The following MAGI2 variants were observed in gnomAD, a reference collection of about 807,000 sequenced individuals.
The protein encoded by MAGI2 is membrane associated guanylate kinase, WW and PDZ domain containing 2, also known as membrane-associated guanylate kinase, WW and PDZ domain-containing protein 2.
MAGI2 carries 35 observed loss-of-function variants against 133.3 expected under a neutral mutation model. The ratio of observed to expected loss-of-function variants is 0.26; its 90% CI spans 0.20 to 0.35. The LOEUF (loss-of-function observed/expected upper bound fraction) is 0.35, where lower values mean the gene tolerates loss of function less well. Ranked by LOEUF, MAGI2 falls within the 10% of genes least tolerant of loss-of-function variation. The pLI is 1.00. For missense variants in MAGI2, 1,636 were observed against 1,863.4 expected (o/e 0.88, Z 2.25); for synonymous variants, 729 against 710.6 (o/e 1.03, Z -0.41).
intron 2 of MAGI2, among the ~76,000 whole-genome samples, chr7:78,639,636 A>T (rs991716446): frequency 3.3e-5 from 5 of 152,218 alleles, no homozygotes; most frequent in African/African-American, 1.2e-4. Context: ...ACTTTAAAAA[A>T]ATTACAGAAT....
intron 1 of MAGI2, chr7:79,414,631 T>C (rs1846375568): frequency 6.6e-6 from 1 of 152,136 alleles, no homozygotes; most frequent in South Asian, 2.1e-4. Flanking sequence ...TGCCTTATCA[T>C]TAAGTAAGTA....
At chr7:78,370,520 G>A (rs779659758) in intron 6 of MAGI2, among the ~76,000 whole-genome samples, 5 of 151,786 alleles carry the variant, frequency 3.3e-5, no homozygotes, top group Non-Finnish European at 5.9e-5. Context: ...AATATAGTAT[G>A]GAAAAATTCC....
chr7:78,641,535 G>A lies in MAGI2; in HGVS notation c.419-14296C>T, dbSNP rs1030910989. 1.2e-4 allele frequency among the ~76,000 whole-genome samples: 18 copies of A among 152,258 alleles called. No homozygotes were observed. The East Asian group carries it at 2.7e-3, about 23-fold the overall frequency. On this transcript the variant is annotated intron_variant, in intron 2 of 21. Coordinates refer to ENST00000354212, the MANE Select transcript of MAGI2 (RefSeq NM_012301.4). ...TTGCCCACCCCTACATTAGGTTTTC[G>A]ATGCTTTGTGTCTTCATGATCTTGT...
intron 2 of MAGI2, among the ~76,000 whole-genome samples, chr7:78,707,167 G>A (rs1462319476): frequency 6.6e-6 from 1 of 151,982 alleles, no homozygotes; most frequent in Non-Finnish European, 1.5e-5. Context: ...GACTGTTAGT[G>A]AATAAGATAT....
chr7:79,420,751 T>C (rs1383437288), intron 1 of MAGI2, among the ~76,000 whole-genome samples: 1 of 151,872 alleles, frequency 6.6e-6, no homozygotes, highest in East Asian at 1.9e-4. Context: ...AGTTAAGAAC[T>C]CCAAAGTTCA....
At chr7:78,315,498 G>A (rs1181022793) in intron 9 of MAGI2, among the ~76,000 whole-genome samples, 1 of 152,136 alleles carries the variant, frequency 6.6e-6, no homozygotes, top group Admixed American at 6.5e-5. Context: ...ACACGGATCA[G>A]GGGTATTATT....
At chr7:78,453,274 G>C (rs1333646067) in intron 6 of MAGI2, among the ~76,000 whole-genome samples, 1 of 152,156 alleles carries the variant, frequency 6.6e-6, no homozygotes, top group Non-Finnish European at 1.5e-5. Flanking sequence ...TGGAGAAACT[G>C]AAAGACTTCA....
intron 1 of MAGI2, among the ~76,000 whole-genome samples, chr7:79,299,936 C>G (rs1609275): frequency 0.93 from 141,717 of 152,164 alleles, 66,352 homozygotes; most frequent in Non-Finnish European, 0.98. Flanking sequence ...AGTACCTGCT[C>G]CCCCTTGCCT....
At chr7:78,574,657 T>G (rs1190448660) in intron 3 of MAGI2, among the ~76,000 whole-genome samples, 1 of 152,224 alleles carries the variant, frequency 6.6e-6, no homozygotes, top group Non-Finnish European at 1.5e-5. Context: ...TGGCAACCAC[T>G]ATAGTTTTCT....
chr7:78,488,629 T>C (rs919664244), intron 6 of MAGI2, among the ~76,000 whole-genome samples: 2 of 152,086 alleles, frequency 1.3e-5, no homozygotes, highest in African/African-American at 4.8e-5. Context: ...TTCAACTGCA[T>C]ACAGTTGTAC....
chr7:79,220,209 G>A (rs1227091607), intron 1 of MAGI2, among the ~76,000 whole-genome samples: 3 of 151,868 alleles, frequency 2.0e-5, no homozygotes, highest in East Asian at 1.9e-4. Flanking sequence ...ATGGTGATGT[G>A]GTGGGCAGGG....
chr7:79,429,525 G>A (rs142116822), intron 1 of MAGI2, among the ~76,000 whole-genome samples: 8 of 152,096 alleles, frequency 5.3e-5, no homozygotes, highest in East Asian at 3.9e-4. Flanking sequence ...GGCTGGTCTC[G>A]AACTCCTGGC....
At chr7:78,713,369 G>C (rs1012546308) in intron 2 of MAGI2, among the ~76,000 whole-genome samples, 1 of 152,038 alleles carries the variant, frequency 6.6e-6, no homozygotes, top group Non-Finnish European at 1.5e-5. Flanking sequence ...TTATAGTTTT[G>C]GCATATTTGA....
chr7:78,563,642 C>T (rs146495398), intron 3 of MAGI2, among the ~76,000 whole-genome samples: 1 of 152,322 alleles, frequency 6.6e-6, no homozygotes, highest in African/African-American at 2.4e-5. Flanking sequence ...AAGAGGCAAT[C>T]CTAAGAGCTA....
rs544118610 is a variant in MAGI2, at chr7:78,960,595, A to T, written c.418+46495T>A. On this transcript the variant is annotated intron_variant, in intron 2 of 21. Coordinates refer to ENST00000354212, the MANE Select transcript of MAGI2 (RefSeq NM_012301.4). The stretch of plus-strand genomic sequence containing the variant: ...TTAATGATGGAGGTTGAGTTTTCAG[A>T]TATTTTCTGCTAGAATCCTGTACTA... Among the ~76,000 whole-genome samples the T allele has an allele frequency of 1.5e-4, 23 of 152,252 alleles. No individual in the cohort carries two copies. The South Asian group carries it at 4.8e-3, about 32-fold the overall frequency.
intron 3 of MAGI2, 43 bp from the exon 4 acceptor site, chr7:78,521,688 C>T (rs769037901): frequency 2.8e-5 from 42 of 1,517,116 alleles, no homozygotes; most frequent in Non-Finnish European, 3.6e-5. Context: ...AATATTTCTT[C>T]TACCATGTAC....
chr7:79,163,473 C>T (rs1824599395), intron 1 of MAGI2, among the ~76,000 whole-genome samples: 1 of 151,962 alleles, frequency 6.6e-6, no homozygotes, highest in African/African-American at 2.4e-5. Flanking sequence ...CAAACCAGGC[C>T]CTTTATGACA....
chr7:78,229,730 A>G (rs1789766556), intron 10 of MAGI2, among the ~76,000 whole-genome samples: 1 of 152,206 alleles, frequency 6.6e-6, no homozygotes, highest in Admixed American at 6.5e-5. Flanking sequence ...ATGACAGAGA[A>G]GGGTCCTTGT....
chr7:78,808,190 G>A lies in MAGI2; in HGVS notation c.419-180951C>T, dbSNP rs575944381. ...GGAATAGTTCAGTAGGTAGTAAGCT[G>A]GAGCCCTGGTGGATATTTTCAAGGA... On this transcript the variant is annotated intron_variant, in intron 2 of 21. Transcript: ENST00000354212. Among the ~76,000 whole-genome samples, 23 of 152,246 alleles carry A rather than the reference G, an allele frequency of 1.5e-4. No homozygotes were observed. In the East Asian group the frequency reaches 4.4e-3, roughly 29 times the overall value.
Sources: allele counts gnomAD v4.1 joint callset (sites outside exome capture counted in the v4.1 genomes callset), GRCh38; gene constraint gnomAD v4.1.1; transcripts MANE v1.5; gene names NCBI Gene and HGNC (gene_info 2026-07-23, HGNC 2026-07-21).